The following MMP16 variants were observed in gnomAD, a reference collection of about 807,000 sequenced individuals.
The protein encoded by MMP16 is matrix metallopeptidase 16, also known as matrix metalloproteinase-16.
A neutral mutation model predicts 67.8 loss-of-function variants in MMP16; 12 were observed. The ratio of observed to expected loss-of-function variants is 0.18; its 90% CI spans 0.11 to 0.29. The LOEUF is 0.29. Among genes scored for constraint, MMP16 ranks in the 10% least tolerant of loss-of-function variants. The pLI, the probability that MMP16 is intolerant of heterozygous loss-of-function variation, is 1.00. For synonymous variants in MMP16, 249 were observed against 255.9 expected (o/e 0.97, Z 0.26); for missense variants, 475 against 765.7 (o/e 0.62, Z 4.48).
At chr8:88,068,192 T>G (rs1808487340) in intron 7 of MMP16, among the ~76,000 whole-genome samples, 1 of 152,160 alleles carries the variant, frequency 6.6e-6, no homozygotes, top group Non-Finnish European at 1.5e-5. Flanking sequence ...CATGAGCTCA[T>G]TTGACATCCA....
chr8:88,075,817 C>T (rs1313152312), intron 6 of MMP16, among the ~76,000 whole-genome samples: 1 of 151,968 alleles, frequency 6.6e-6, no homozygotes, highest in Non-Finnish European at 1.5e-5. Context: ...TTCTTTCTTG[C>T]TCTTTTCACA....
intron 1 of MMP16, among the ~76,000 whole-genome samples, chr8:88,236,319 G>C (rs556811513): frequency 6.6e-6 from 1 of 152,230 alleles, no homozygotes; most frequent in Non-Finnish European, 1.5e-5. Flanking sequence ...TTAGGTTTCT[G>C]TGAGGTTCAA....
At chr8:88,186,634 T>A in intron 2 of MMP16, 36 bp from the exon 3 acceptor site, 1 of 1,570,450 alleles carries the variant, frequency 6.4e-7, no homozygotes, top group Non-Finnish European at 8.6e-7. Context: ...AAAGCAGTAT[T>A]TTCCAGTTAT....
chr8:88,265,149 C>T (rs566394494), intron 1 of MMP16, among the ~76,000 whole-genome samples: 1 of 151,480 alleles, frequency 6.6e-6, no homozygotes, highest in East Asian at 1.9e-4. Context: ...AATTAATGCA[C>T]CTGAGTATTG....
rs760122297 is a variant in MMP16 at position 88,116,380 on chromosome 8, C to CT, written c.1083+126dup. 2.1e-4 allele frequency: 170 copies of CT among 800,922 alleles called. No homozygotes were observed. The Middle Eastern group carries it at 6.6e-3, about 31-fold the overall frequency. 49.6% of individuals were successfully genotyped at this position (800,922 alleles called of 1,614,324 possible). On this transcript the variant is annotated intron_variant, in intron 6 of 9. Coordinates refer to ENST00000286614, the MANE Select transcript of MMP16 (RefSeq NM_005941.5). ...ATTTGTGCATTTATTTTTTAAAATG[C>CT]TTTTTTTGAACTTTCTAACTGTGAG...
intron 1 of MMP16, among the ~76,000 whole-genome samples, chr8:88,303,186 G>A (rs7843531): frequency 0.13 from 20,454 of 152,140 alleles, 1,853 homozygotes; most frequent in African/African-American, 0.24. Flanking sequence ...TACACCCGGG[G>A]GCGGGGCTGA....
intron 1 of MMP16, among the ~76,000 whole-genome samples, chr8:88,305,067 G>A (rs1268825753): frequency 6.6e-6 from 1 of 151,730 alleles, no homozygotes; most frequent in Non-Finnish European, 1.5e-5. Context: ...TAAAGTGAAA[G>A]ACACATAGGC....
intron 8 of MMP16, among the ~76,000 whole-genome samples, chr8:88,053,918 T>C (rs1442891581): frequency 6.6e-6 from 1 of 152,152 alleles, no homozygotes; most frequent in Non-Finnish European, 1.5e-5. Flanking sequence ...CTATATATTT[T>C]CTATATTTGG....
chr8:88,049,122 C>T lies in MMP16; in HGVS notation c.1374-2338G>A, dbSNP rs895535851. Among the ~76,000 whole-genome samples the T allele has an allele frequency of 1.1e-4, 16 of 152,176 alleles. 1 individual carries two copies. Among genetic ancestry groups the T allele is most frequent in the African/African-American group, 3.9e-4 (16 of 41,458 alleles). On this transcript the variant is annotated intron_variant, in intron 8 of 9. Coordinates refer to ENST00000286614, the MANE Select transcript of MMP16 (RefSeq NM_005941.5). ...ACAGGTATTTGTTGCAGGTTCTCAT[C>T]ACATCGAAGATGAGAACAGATCTGA...
chr8:88,081,983 C>A (rs1410005988), intron 6 of MMP16, among the ~76,000 whole-genome samples: 2 of 151,902 alleles, frequency 1.3e-5, no homozygotes, highest in Admixed American at 6.6e-5. Flanking sequence ...CGAGAACCAA[C>A]AAGGCTGCTA....
At chr8:88,194,497 G>C (rs895658652) in intron 2 of MMP16, among the ~76,000 whole-genome samples, 15 of 152,040 alleles carry the variant, frequency 9.9e-5, no homozygotes, top group Non-Finnish European at 2.1e-4. Context: ...TTAATATCAT[G>C]ATGATGGGGA....
At chr8:88,159,598 C>A (rs1808576978) in intron 4 of MMP16, among the ~76,000 whole-genome samples, 1 of 152,148 alleles carries the variant, frequency 6.6e-6, no homozygotes, top group South Asian at 2.1e-4. Context: ...TTGACTTCCT[C>A]TTTTCCTAAT....
chr8:88,299,937 T>G (rs1811071887), intron 1 of MMP16, among the ~76,000 whole-genome samples: 1 of 152,222 alleles, frequency 6.6e-6, no homozygotes, highest in Admixed American at 6.5e-5. Context: ...TTACTTTTTG[T>G]GTGTGCTAGG....
chr8:88,217,465 A>G (rs1809612328), intron 1 of MMP16, among the ~76,000 whole-genome samples: 2 of 152,118 alleles, frequency 1.3e-5, no homozygotes, highest in Non-Finnish European at 1.5e-5. Flanking sequence ...CCATGACTTA[A>G]TAAGAATATC....
At chr8:88,158,212 G>C (rs1218342760) in intron 4 of MMP16, among the ~76,000 whole-genome samples, 1 of 152,160 alleles carries the variant, frequency 6.6e-6, no homozygotes, top group Non-Finnish European at 1.5e-5. Context: ...GGGTCAAATG[G>C]TATTTCTAGT....
At chr8:88,131,223 C>T (rs1289068142) in intron 4 of MMP16, among the ~76,000 whole-genome samples, 1 of 151,100 alleles carries the variant, frequency 6.6e-6, no homozygotes, top group Non-Finnish European at 1.5e-5. Flanking sequence ...TGTTTGAATA[C>T]AAAGTCTTTC....
intron 3 of MMP16, among the ~76,000 whole-genome samples, chr8:88,183,129 T>C (rs1346623230): frequency 6.6e-6 from 1 of 152,144 alleles, no homozygotes; most frequent in Non-Finnish European, 1.5e-5. Context: ...TGATATTGTA[T>C]TGGTAGATAA....
chr8:88,267,319 T>C (rs757759057), intron 1 of MMP16, among the ~76,000 whole-genome samples: 2 of 152,172 alleles, frequency 1.3e-5, no homozygotes, highest in Non-Finnish European at 2.9e-5. Flanking sequence ...CAGCTAGTGG[T>C]GGTTAAGTCT....
rs1808029269 is a variant in MMP16 at position 88,034,480 on chromosome 8, A to C, written c.*6981T>G. 1 of 152,454 alleles carries C rather than the reference A, an allele frequency of 6.6e-6. No individual in the cohort carries two copies. The highest frequency in any genetic ancestry group is 2.1e-4 in the South Asian group (1 of 4,832). The allele number at this position is 152,454 out of a possible 1,614,324, so 9.4% of individuals were successfully genotyped here. ...AGTGAAATTTTGTACTTATGAACAT[A>C]TAAAGGAATAATTGATTCCACATCA... is the stretch of plus-strand genomic sequence containing the variant. On this transcript the variant is annotated 3_prime_UTR_variant, in exon 10 of 10. Coordinates refer to ENST00000286614, the MANE Select transcript of MMP16 (RefSeq NM_005941.5).
Sources: gnomAD v4.1 joint callset for allele counts (sites outside exome capture counted in the v4.1 genomes callset) on GRCh38, gnomAD v4.1.1 for gene constraint, MANE v1.5 for transcripts, NCBI Gene and HGNC (gene_info 2026-07-23, HGNC 2026-07-21) for gene names.